ZNF266: variants seen among roughly 807,000 people sequenced by gnomAD.
The protein encoded by ZNF266 is zinc finger protein 1.
ZNF266 carries 16 observed loss-of-function variants against 16.4 expected under a neutral mutation model. That is an observed-to-expected ratio of 0.98 (90% confidence interval 0.66 to 1.48). The LOEUF is 1.48. ZNF266 is among the 40% of genes most tolerant of loss of function. The pLI is 0.00. For synonymous variants in ZNF266, 262 were observed against 237.9 expected (o/e 1.10, Z -0.93); for missense variants, 738 against 689.1 (o/e 1.07, Z -0.79).
At chr19:9,424,469 C>T (rs896249420) in intron 5 of ZNF266, among the ~76,000 whole-genome samples, 5 of 152,116 alleles carry the variant, frequency 3.3e-5, no homozygotes, top group African/African-American at 1.2e-4. Flanking sequence ...CTCCCTGGTA[C>T]AAAACCCGGA....
At chr19:9,422,415 T>G (rs1337085308) in intron 5 of ZNF266, among the ~76,000 whole-genome samples, 1 of 152,066 alleles carries the variant, frequency 6.6e-6, no homozygotes, top group East Asian at 1.9e-4. Context: ...CATAACACAA[T>G]ATGCATCTGA....
Position 9,413,329 on chromosome 19 carries a change from G to A in ZNF266, c.1797C>T (p.Ser599=). 6.2e-7 allele frequency: 1 copy of A among 1,610,350 alleles called. No individual in the cohort carries two copies. Among genetic ancestry groups the A allele is most frequent in the Non-Finnish European group, 8.5e-7 (1 of 1,177,990 alleles). ...CKECGKAFSS[S]SSFRNHERRH... Reference sequence around the variant, plus strand: ...TTCTTTCATGATTTCGAAAGGAACTGGAAGAACTGAAGGCTTTCCCGCACT... The same window carrying A: ...TTCTTTCATGATTTCGAAAGGAACTAGAAGAACTGAAGGCTTTCCCGCACT... The change falls in exon 11 of 11, where the codon TCC becomes TCT. Residue 599 remains serine (S), a synonymous_variant. Coordinates refer to ENST00000592904, the MANE Select transcript of ZNF266 (RefSeq NM_001370374.1).
rs1368867656 is a variant in ZNF266, at chr19:9,413,481, G to A, written c.1645C>T (p.His549Tyr). Residue 549 changes from histidine to tyrosine, a missense_variant, in exon 11 of 11, where the codon CAC becomes TAC. His to Tyr is a moderately conservative substitution (Grantham distance 83). Coordinates refer to ENST00000592904, the MANE Select transcript of ZNF266 (RefSeq NM_001370374.1). ...TTTTCTCCAGTGTGGATCCGCATGT[G>A]AAGGTTAACACACGTGGGAAACTTA... Reference protein sequence around the residue: ...AFKFPTCVNLHMRIHTGEKPY... With the variant: ...AFKFPTCVNLYMRIHTGEKPY... 1 of 1,612,644 alleles carries A rather than the reference G, an allele frequency of 6.2e-7. No individual in the cohort carries two copies. Among genetic ancestry groups the A allele is most frequent in the African/African-American group, 1.3e-5 (1 of 74,754 alleles).
chr19:9,414,823 A>G (rs1166427152), intron 10 of ZNF266, 103 bp from the exon 11 acceptor site: 1 of 1,340,864 alleles, frequency 7.5e-7, no homozygotes, highest in African/African-American at 1.5e-5. Context: ...TATCATGTTT[A>G]CCATTTTCAT....
chr19:9,415,980 C>T lies in ZNF266; in HGVS notation c.317-238G>A, dbSNP rs560267385. Among the ~76,000 whole-genome samples, 6 of 151,892 alleles carry T rather than the reference C, an allele frequency of 4.0e-5. No individual in the cohort carries two copies. In the East Asian group the frequency reaches 5.9e-4, roughly 15 times the overall value. ...CTGGGACTACAGGCACATGCCACAA[C>T]GCCCAGCTAATTTTTGTATTTTTAG... is the stretch of plus-strand genomic sequence containing the variant. On this transcript the variant is annotated intron_variant, in intron 9 of 10. Coordinates refer to ENST00000592904, the MANE Select transcript of ZNF266 (RefSeq NM_001370374.1).
chr19:9,414,707 T>C lies in ZNF266; in HGVS notation c.419A>G (p.Asn140Ser). 2 of 1,568,446 alleles carry C rather than the reference T, an allele frequency of 1.3e-6. No homozygotes were observed. The highest frequency in any genetic ancestry group is 1.2e-5 in the South Asian group (1 of 86,046). The change falls in exon 11 of 11, where the codon AAC becomes AGC. Residue 140 changes from asparagine (N) to serine (S), a missense_variant. By Grantham distance (46) the Asn-to-Ser change is conservative. Coordinates refer to ENST00000592904, the MANE Select transcript of ZNF266 (RefSeq NM_001370374.1). The stretch of plus-strand genomic sequence containing the variant: ...CTTAACATCACTGACCTCCCCTCCG[T>C]TGTGGCTTCCTATCTGTTGATAAAG... ...SSGIQMIGSHNGGEVSDVKQC... is the reference protein window; with the variant it reads ...SSGIQMIGSHSGGEVSDVKQC...
rs1439045276 is a variant in ZNF266, at chr19:9,413,915, G to C, written c.1211C>G (p.Ser404Ter). 2.5e-6 allele frequency: 4 copies of C among 1,614,034 alleles called. No homozygotes were observed. Among genetic ancestry groups the C allele is most frequent in the Middle Eastern group, 1.6e-4 (1 of 6,084 alleles). ...KICGKSFRNS[S>*]CLSDHFRIHT... The stretch of plus-strand genomic sequence containing the variant: ...AATTCGAAAGTGATCACTGAGGCAT[G>C]AGGAATTTCTAAAGGATTTTCCACA... The change falls in exon 11 of 11, where the codon TCA becomes TGA. Residue 404 changes from serine (S) to a stop codon, truncating the protein, a stop_gained. Transcript: ENST00000592904. LOFTEE classifies it low-confidence loss of function (END_TRUNC).
chr19:9,420,284 T>C (rs1271875956), intron 5 of ZNF266, 66 bp from the exon 6 acceptor site: 2 of 152,204 alleles, frequency 1.3e-5, no homozygotes, highest in Non-Finnish European at 2.9e-5. Context: ...TAGCACTCTC[T>C]CTGCAGAGCA....
intron 5 of ZNF266, among the ~76,000 whole-genome samples, chr19:9,426,684 T>G (rs1439292316): frequency 6.6e-6 from 1 of 152,122 alleles, no homozygotes; most frequent in East Asian, 1.9e-4. Context: ...TAACTAGACT[T>G]TAACTAACAT....
intron 5 of ZNF266, among the ~76,000 whole-genome samples, chr19:9,422,735 G>A (rs941108303): frequency 2.0e-5 from 3 of 151,760 alleles, no homozygotes; most frequent in African/African-American, 7.3e-5. Flanking sequence ...CCCGCTAAAG[G>A]CTGACCCTGA....
chr19:9,428,128 G>A (rs2071038644), intron 5 of ZNF266, among the ~76,000 whole-genome samples: 1 of 152,088 alleles, frequency 6.6e-6, no homozygotes, highest in African/African-American at 2.4e-5. Flanking sequence ...CTGACTTCCT[G>A]TTATTCACCA....
At chr19:9,416,469 T>A (rs2069020115) in intron 9 of ZNF266, among the ~76,000 whole-genome samples, 2 of 150,874 alleles carry the variant, frequency 1.3e-5, no homozygotes, top group Admixed American at 6.6e-5. Flanking sequence ...GTTCAAGCGA[T>A]TCTCCTGCCT....
chr19:9,434,670 A>T (rs998383309), intron 3 of ZNF266, 128 bp downstream of exon 3: 2 of 152,238 alleles, frequency 1.3e-5, no homozygotes, highest in African/African-American at 4.8e-5. Context: ...CACAGGGTAC[A>T]TATTAACAAC....
chr19:9,418,740 G>T, intron 7 of ZNF266, 109 bp from the exon 8 acceptor site: 1 of 616,984 alleles, frequency 1.6e-6, no homozygotes. Context: ...CACCCCAGGA[G>T]GTCCTCTCTA....
chr19:9,432,486 A>G (rs544537019), intron 5 of ZNF266, among the ~76,000 whole-genome samples: 7 of 152,228 alleles, frequency 4.6e-5, no homozygotes, highest in Non-Finnish European at 8.8e-5. Context: ...GAGAAAATGT[A>G]TAGAATTTAA....
intron 5 of ZNF266, among the ~76,000 whole-genome samples, chr19:9,432,846 A>C (rs2071825601): frequency 6.6e-6 from 1 of 152,174 alleles, no homozygotes; most frequent in African/African-American, 2.4e-5. Flanking sequence ...TACCACCAAG[A>C]AGCTCAAAAA....
Position 9,413,326 on chromosome 19 carries a change from A to C in ZNF266, c.1800T>G (p.Ser600Arg). 1 of 1,609,708 alleles carries C rather than the reference A, an allele frequency of 6.2e-7. No homozygotes were observed. The highest frequency in any genetic ancestry group is 1.3e-5 in the African/African-American group (1 of 74,824). ...KECGKAFSSS[S>R]SFRNHERRHA... Reference sequence around the variant, plus strand: ...GCCTTCTTTCATGATTTCGAAAGGAACTGGAAGAACTGAAGGCTTTCCCGC... The same window carrying C: ...GCCTTCTTTCATGATTTCGAAAGGACCTGGAAGAACTGAAGGCTTTCCCGC... The change falls in exon 11 of 11, where the codon AGT (serine) becomes AGG (arginine). Residue 600 changes from serine (S) to arginine (R), a missense_variant. Coordinates refer to ENST00000592904, the MANE Select transcript of ZNF266 (RefSeq NM_001370374.1).
intron 7 of ZNF266, 67 bp downstream of exon 7, chr19:9,419,150 A>G (rs976566987): frequency 3.9e-5 from 6 of 155,586 alleles, no homozygotes; most frequent in Non-Finnish European, 7.2e-5. Context: ...AATTCTGTGT[A>G]GAAGGAAATG....
At chr19:9,421,865 C>G (rs1253320799) in intron 5 of ZNF266, among the ~76,000 whole-genome samples, 3 of 144,126 alleles carry the variant, frequency 2.1e-5, no homozygotes, top group Non-Finnish European at 4.6e-5. Flanking sequence ...TTTTTTTTTT[C>G]TTTTGAGACG....
Sources: allele counts gnomAD v4.1 joint callset (sites outside exome capture counted in the v4.1 genomes callset), GRCh38; gene constraint gnomAD v4.1.1; transcripts MANE v1.5; gene names NCBI Gene and HGNC (gene_info 2026-07-23, HGNC 2026-07-21).